CCM2: variants seen among roughly 807,000 people sequenced by gnomAD.
The protein encoded by CCM2 is cerebral cavernous malformations 2 protein.
CCM2 carries 25 observed loss-of-function variants against 44.9 expected under a neutral mutation model. The ratio of observed to expected loss-of-function variants is 0.56; its 90% confidence interval spans 0.41 to 0.78. CCM2 has a LOEUF of 0.78. Ranked by LOEUF, CCM2 falls within the 30% of genes least tolerant of loss-of-function variation. The pLI, the probability that CCM2 is intolerant of heterozygous loss-of-function variation, is 0.00. For missense variants in CCM2, 481 were observed against 580.6 expected (o/e 0.83, Z 1.76); for synonymous variants, 219 against 241.1 (o/e 0.91, Z 0.85).
chr7:45,044,547 A>G (rs1021727904), intron 2 of CCM2, among the ~76,000 whole-genome samples: 14 of 152,132 alleles, frequency 9.2e-5, no homozygotes, highest in Non-Finnish European at 1.6e-4. Flanking sequence ...TAAGTTCCCC[A>G]TCTTGACTCT....
At chr7:45,044,290 C>G (rs4724352) in intron 2 of CCM2, among the ~76,000 whole-genome samples, 1 of 152,046 alleles carries the variant, frequency 6.6e-6, no homozygotes, top group Non-Finnish European at 1.5e-5. Context: ...CCTGCCACCA[C>G]GCCCAGCTAA....
At chr7:45,057,739 G>A (rs1798331886) in intron 2 of CCM2, among the ~76,000 whole-genome samples, 1 of 152,154 alleles carries the variant, frequency 6.6e-6, no homozygotes, top group Non-Finnish European at 1.5e-5. Flanking sequence ...TATTTGTTCT[G>A]AAACTGCTCT....
intron 1 of CCM2, among the ~76,000 whole-genome samples, chr7:45,031,345 G>A (rs902252223): frequency 3.6e-5 from 5 of 140,564 alleles, no homozygotes; most frequent in Non-Finnish European, 6.0e-5. Flanking sequence ...TCACACCACT[G>A]TACTCCAGCC....
intron 3 of CCM2, among the ~76,000 whole-genome samples, 163 bp downstream of exon 3, chr7:45,064,164 T>C (rs1170800437): frequency 6.6e-6 from 1 of 152,176 alleles, no homozygotes; most frequent in African/African-American, 2.4e-5. Flanking sequence ...GGACATTAAG[T>C]TGATTCTCGA....
At chr7:45,055,515 C>T (rs1271131085) in intron 2 of CCM2, among the ~76,000 whole-genome samples, 2 of 152,014 alleles carry the variant, frequency 1.3e-5, no homozygotes, top group African/African-American at 2.4e-5. Flanking sequence ...GGTGAAACCC[C>T]GTCTCTACTA....
In CCM2 at chr7:45,051,126, C is replaced by T. The variant is rs1162985666; in HGVS notation, c.204+12700C>T. 3.9e-5 allele frequency among the ~76,000 whole-genome samples: 6 copies of T among 152,278 alleles called. No individual in the cohort carries two copies. In the East Asian group the frequency reaches 5.8e-4, roughly 15 times the overall value. On this transcript the variant is annotated intron_variant, in intron 2 of 9. Transcript: ENST00000258781. The stretch of plus-strand genomic sequence containing the variant: ...CACTTCCTCATCCACATATTTCTCA[C>T]GTTAAGTTCATTCTATCCAGACTCA...
intron 1 of CCM2, among the ~76,000 whole-genome samples, chr7:45,031,496 A>C (rs1796968941): frequency 6.6e-6 from 1 of 151,312 alleles, no homozygotes; most frequent in African/African-American, 2.4e-5. Context: ...CTCTCCCCCC[A>C]GTCTTTCAGG....
chr7:44,999,771 G>A (rs1039828721), upstream of CCM2: 14 of 450,212 alleles, frequency 3.1e-5, no homozygotes, highest in Non-Finnish European at 6.2e-5. Context: ...CCGCCGTAAA[G>A]ATGGCGGCAA....
chr7:45,048,961 GTTA>G (rs537609974), intron 2 of CCM2, among the ~76,000 whole-genome samples: 1 of 152,092 alleles, frequency 6.6e-6, no homozygotes, highest in Non-Finnish European at 1.5e-5. Flanking sequence ...TCTCAGATTT[GTTA>G]TTATTTTTTG....
chr7:45,058,898 T>C (rs1404052179), intron 2 of CCM2, among the ~76,000 whole-genome samples: 1 of 124,504 alleles, frequency 8.0e-6, no homozygotes, highest in East Asian at 2.1e-4. Context: ...CACGCCCAGC[T>C]AATTTTTTTT....
intron 7 of CCM2, chr7:45,073,045 T>C (rs1360495597): frequency 8.1e-6 from 5 of 614,348 alleles, no homozygotes; most frequent in South Asian, 7.5e-5. Context: ...GTAATAGGCA[T>C]GTTGGATGGA....
intron 1 of CCM2, among the ~76,000 whole-genome samples, chr7:45,011,315 G>GC (rs780812645): frequency 4.6e-5 from 7 of 151,662 alleles, no homozygotes; most frequent in Non-Finnish European, 8.8e-5. Flanking sequence ...TCATGCCTCA[G>GC]CCTCCCTGGT....
At chr7:45,046,565 G>A (rs1437216487) in intron 2 of CCM2, among the ~76,000 whole-genome samples, 1 of 152,192 alleles carries the variant, frequency 6.6e-6, no homozygotes, top group Non-Finnish European at 1.5e-5. Flanking sequence ...ATTGAACCTT[G>A]CCCTGAATTT....
At chr7:45,013,196 C>A (rs1796132954) in intron 1 of CCM2, among the ~76,000 whole-genome samples, 1 of 152,018 alleles carries the variant, frequency 6.6e-6, no homozygotes, top group South Asian at 2.1e-4. Flanking sequence ...TCATTTCTTT[C>A]TTGTACACTG....
intron 2 of CCM2, among the ~76,000 whole-genome samples, chr7:45,054,432 A>C (rs548625672): frequency 6.6e-6 from 1 of 152,146 alleles, no homozygotes; most frequent in African/African-American, 2.4e-5. Context: ...CGGGAACTTT[A>C]TCAATCAAGG....
At chr7:45,036,722 T>C (rs1797234849) in intron 1 of CCM2, among the ~76,000 whole-genome samples, 1 of 152,150 alleles carries the variant, frequency 6.6e-6, no homozygotes, top group Non-Finnish European at 1.5e-5. Context: ...CCGTTTTATA[T>C]TGGATTTTGC....
chr7:45,000,454 C>T (rs1469095890), intron 1 of CCM2, 91 bp downstream of exon 1: 5 of 82,010 alleles, frequency 6.1e-5, no homozygotes, highest in Admixed American at 1.9e-4. Context: ...CCTTGGGGCC[C>T]GGGGGGGGGG....
intron 2 of CCM2, among the ~76,000 whole-genome samples, chr7:45,061,845 C>T (rs778734831): frequency 1.3e-5 from 2 of 152,180 alleles, no homozygotes; most frequent in African/African-American, 2.4e-5. Context: ...GGAGATGTTT[C>T]TCCAGTCTCA....
chr7:45,067,657 A>G (rs1798848805), intron 4 of CCM2: 1 of 152,568 alleles, frequency 6.6e-6, no homozygotes, highest in Admixed American at 6.5e-5. Flanking sequence ...TCCTGTGGCC[A>G]GTGGCTGCCA....
Sources: gnomAD v4.1 joint callset for allele counts (sites outside exome capture counted in the v4.1 genomes callset) on GRCh38, gnomAD v4.1.1 for gene constraint, MANE v1.5 for transcripts, NCBI Gene and HGNC (gene_info 2026-07-23, HGNC 2026-07-21) for gene names.